Variants in UST observed in about 807,000 individuals in gnomAD.
UST encodes the protein chondroitin sulfate 2-O-sulfotransferase.
A neutral mutation model predicts 45.6 loss-of-function variants in UST; 21 were observed. The ratio of observed to expected loss-of-function variants is 0.46; its 90% CI spans 0.33 to 0.66. The LOEUF (loss-of-function observed/expected upper bound fraction) is 0.66, where lower values mean the gene tolerates loss of function less well. UST is among the 30% of genes least tolerant of loss of function. UST has a pLI of 0.02. For synonymous variants in UST, 215 were observed against 200.6 expected (o/e 1.07, Z -0.61); for missense variants, 463 against 512.4 (o/e 0.90, Z 0.93).
intron 2 of UST, among the ~76,000 whole-genome samples, chr6:148,925,231 G>A (rs1243863339): frequency 6.6e-6 from 1 of 152,146 alleles, no homozygotes; most frequent in African/African-American, 2.4e-5. Context: ...AGAGCCCACC[G>A]ATTAAAGCAT....
intron 2 of UST, among the ~76,000 whole-genome samples, chr6:148,915,677 ATTATGTGAACATGATTACCAAATCTT>A (rs1779575634): frequency 6.6e-6 from 1 of 152,244 alleles, no homozygotes; most frequent in Non-Finnish European, 1.5e-5. Context: ...TGCAACTGTT[ATTATGTGAACATGATTACCAAATCTT>A]GGAAAGAAAA....
intron 5 of UST, among the ~76,000 whole-genome samples, chr6:149,009,611 A>G (rs1775771993): frequency 1.3e-5 from 2 of 151,952 alleles, no homozygotes; most frequent in Admixed American, 1.3e-4. Context: ...CCTGCAAGTT[A>G]TTGAGAACAT....
At chr6:148,865,454 C>T (rs949925415) in intron 1 of UST, among the ~76,000 whole-genome samples, 3 of 152,022 alleles carry the variant, frequency 2.0e-5, no homozygotes, top group South Asian at 2.1e-4. Flanking sequence ...AGAGGAAAGT[C>T]GGGTGTTTTC....
intron 1 of UST, among the ~76,000 whole-genome samples, chr6:148,834,567 C>T (rs1777751300): frequency 6.6e-6 from 1 of 151,980 alleles, no homozygotes; most frequent in Non-Finnish European, 1.5e-5. Context: ...AAACCCTGTC[C>T]ATACAAAAAA....
At chr6:148,964,670 C>G in intron 5 of UST, 107 bp downstream of exon 5, 2 of 1,451,066 alleles carry the variant, frequency 1.4e-6, no homozygotes, top group Non-Finnish European at 1.9e-6. Context: ...TTGGCGCCTC[C>G]ATGGAGCGTG....
At chr6:148,815,020 A>G (rs1257377623) in intron 1 of UST, among the ~76,000 whole-genome samples, 3 of 152,258 alleles carry the variant, frequency 2.0e-5, no homozygotes, top group Non-Finnish European at 4.4e-5. Flanking sequence ...ATTGAAAGCA[A>G]CATAAATCTG....
intron 1 of UST, among the ~76,000 whole-genome samples, chr6:148,859,760 C>T (rs1489691873): frequency 6.6e-6 from 1 of 152,146 alleles, no homozygotes; most frequent in Non-Finnish European, 1.5e-5. Flanking sequence ...AATCCTTTCC[C>T]CATTGCTGGT....
intron 5 of UST, among the ~76,000 whole-genome samples, chr6:149,001,782 G>C (rs1781554569): frequency 6.6e-6 from 1 of 152,258 alleles, no homozygotes; most frequent in Non-Finnish European, 1.5e-5. Context: ...AACAATGTTA[G>C]TAAAATGAGT....
intron 5 of UST, among the ~76,000 whole-genome samples, chr6:148,971,683 G>A (rs1196305419): frequency 6.6e-6 from 1 of 152,198 alleles, no homozygotes; most frequent in Admixed American, 6.5e-5. Context: ...GCAGCAGGGC[G>A]AGCTGAGGAA....
intron 1 of UST, among the ~76,000 whole-genome samples, chr6:148,815,091 A>G (rs912193948): frequency 4.6e-5 from 7 of 152,378 alleles, no homozygotes; most frequent in Admixed American, 1.3e-4. Context: ...CTATGCAGCT[A>G]TAAACAAGAT....
At chr6:148,817,758 T>A (rs1329939386) in intron 1 of UST, among the ~76,000 whole-genome samples, 1 of 152,200 alleles carries the variant, frequency 6.6e-6, no homozygotes, top group African/African-American at 2.4e-5. Context: ...TTATGAGACC[T>A]AAGGTCTGTG....
At chr6:148,833,779 A>G (rs1035039450) in intron 1 of UST, among the ~76,000 whole-genome samples, 5 of 152,232 alleles carry the variant, frequency 3.3e-5, no homozygotes, top group Non-Finnish European at 5.9e-5. Context: ...TTCAACATGC[A>G]TGAATCTCAA....
intron 1 of UST, among the ~76,000 whole-genome samples, chr6:148,862,973 T>G (rs1778349849): frequency 6.6e-6 from 1 of 152,190 alleles, no homozygotes; most frequent in Non-Finnish European, 1.5e-5. Flanking sequence ...CAATTAGGTG[T>G]CTTGGAGTTG....
At chr6:148,878,227 G>GA (rs1778738200) in intron 1 of UST, among the ~76,000 whole-genome samples, 1 of 95,774 alleles carries the variant, frequency 1.0e-5, no homozygotes, top group Non-Finnish European at 2.1e-5. Context: ...GAGTGCGGGG[G>GA]TCGTGTATGA....
intron 7 of UST, among the ~76,000 whole-genome samples, chr6:149,039,312 C>T (rs1427860776): frequency 2.6e-5 from 4 of 152,132 alleles, no homozygotes; most frequent in Non-Finnish European, 5.9e-5. Context: ...CCGCAACCTT[C>T]GCCTCTCAGG....
At chr6:148,996,211 A>G (rs1222888159) in intron 5 of UST, among the ~76,000 whole-genome samples, 3 of 152,148 alleles carry the variant, frequency 2.0e-5, no homozygotes, top group African/African-American at 7.2e-5. Flanking sequence ...ATGTTTAATC[A>G]GGTTTGTTAT....
intron 1 of UST, among the ~76,000 whole-genome samples, chr6:148,880,742 A>G (rs948156051): frequency 6.6e-6 from 1 of 152,188 alleles, no homozygotes; most frequent in East Asian, 1.9e-4. Flanking sequence ...TTTAAAAAAC[A>G]TATTAGGCAG....
At chr6:148,962,741 G>A (rs1035441385) in intron 4 of UST, among the ~76,000 whole-genome samples, 8 of 152,210 alleles carry the variant, frequency 5.3e-5, no homozygotes, top group African/African-American at 1.7e-4. Context: ...AAGGGCTCCA[G>A]GGTGTCATTC....
intron 5 of UST, among the ~76,000 whole-genome samples, chr6:148,965,027 C>A (rs1562315034): frequency 6.6e-6 from 1 of 152,136 alleles, no homozygotes; most frequent in Non-Finnish European, 1.5e-5. Context: ...TTGCCACAGT[C>A]ACCTCTCAGG....
Sources: allele counts gnomAD v4.1 joint callset (sites outside exome capture counted in the v4.1 genomes callset), GRCh38; gene constraint gnomAD v4.1.1; transcripts MANE v1.5; gene names NCBI Gene and HGNC (gene_info 2026-07-23, HGNC 2026-07-21).